The following SIAH3 variants were observed in gnomAD, a reference collection of about 807,000 sequenced individuals.
SIAH3 encodes seven in absentia homolog 3.
SIAH3 carries 9 observed loss-of-function variants against 12.6 expected under a neutral mutation model. That is an observed-to-expected ratio of 0.72 (90% CI 0.43 to 1.25). SIAH3 has a LOEUF of 1.25. Among genes scored for constraint, SIAH3 ranks in the 50% most tolerant of loss-of-function variants. The pLI is 0.00. For synonymous variants in SIAH3, 154 were observed against 151.1 expected (o/e 1.02, Z -0.14); for missense variants, 390 against 365.4 (o/e 1.07, Z -0.55).
chr13:45,790,922 C>A (rs1384339939), intron 1 of SIAH3, among the ~76,000 whole-genome samples: 2 of 152,224 alleles, frequency 1.3e-5, no homozygotes, highest in South Asian at 2.1e-4. Context: ...AGGCTCATGT[C>A]TGTACTCCTA....
At chr13:45,822,754 G>A (rs1950660778) in intron 1 of SIAH3, among the ~76,000 whole-genome samples, 1 of 151,762 alleles carries the variant, frequency 6.6e-6, no homozygotes, top group Non-Finnish European at 1.5e-5. Flanking sequence ...TTGGGAGCTG[G>A]GTGTGCCGCA....
chr13:45,826,828 G>T (rs149204773), intron 1 of SIAH3, among the ~76,000 whole-genome samples: 141 of 152,184 alleles, frequency 9.3e-4, no homozygotes, highest in African/African-American at 3.2e-3. Flanking sequence ...GGGTTGCAGA[G>T]GCTGGCACCC....
At chr13:45,826,195 T>C (rs1398719289) in intron 1 of SIAH3, among the ~76,000 whole-genome samples, 1 of 152,218 alleles carries the variant, frequency 6.6e-6, no homozygotes, top group Non-Finnish European at 1.5e-5. Context: ...TATTTACTTA[T>C]TATCATTTTC....
intron 1 of SIAH3, among the ~76,000 whole-genome samples, chr13:45,842,224 T>C (rs1950742509): frequency 6.6e-6 from 1 of 152,190 alleles, no homozygotes; most frequent in Non-Finnish European, 1.5e-5. Context: ...CAAAGGAACT[T>C]GGGTCACATT....
At chr13:45,831,954 C>T (rs1183903585) in intron 1 of SIAH3, among the ~76,000 whole-genome samples, 1 of 152,200 alleles carries the variant, frequency 6.6e-6, no homozygotes, top group Non-Finnish European at 1.5e-5. Flanking sequence ...CAGGGAATCC[C>T]ACCTTGGTTG....
chr13:45,826,380 A>ATGGTTGG (rs1566094824), intron 1 of SIAH3, among the ~76,000 whole-genome samples: 2 of 105,124 alleles, frequency 1.9e-5, no homozygotes, highest in African/African-American at 4.1e-5. Context: ...TGGATGAATG[A>ATGGTTGG]ATGGATGGAT....
intron 1 of SIAH3, among the ~76,000 whole-genome samples, chr13:45,819,418 A>C (rs1232466983): frequency 6.6e-6 from 1 of 152,184 alleles, no homozygotes; most frequent in African/African-American, 2.4e-5. Flanking sequence ...AGTGTTGGGC[A>C]TGGCTGGGTG....
At chr13:45,822,551 A>ATATATATATATATATATG in intron 1 of SIAH3, among the ~76,000 whole-genome samples, 1 of 141,410 alleles carries the variant, frequency 7.1e-6, no homozygotes. Flanking sequence ...ATATATATAT[A>ATATATATATATATATATG]TATATTAGAC....
chr13:45,827,317 C>T (rs910661426), intron 1 of SIAH3, among the ~76,000 whole-genome samples: 4 of 152,120 alleles, frequency 2.6e-5, no homozygotes, highest in Non-Finnish European at 5.9e-5. Flanking sequence ...GCAGCAAATG[C>T]AAAGGAAAGG....
At position 45,825,496 on chromosome 13, in the gene SIAH3, T is replaced by C. The variant is rs537596801; in HGVS notation, c.135+25999A>G. On this transcript the variant is annotated intron_variant, in intron 1 of 1. Coordinates refer to ENST00000400405, the MANE Select transcript of SIAH3 (RefSeq NM_198849.3). The stretch of plus-strand genomic sequence containing the variant: ...GCGCAGCCCCCAGCCCTGCCTGGGG[T>C]GTGTGCTTAGTGTCACCTTGGAGGG... 5.9e-5 allele frequency among the ~76,000 whole-genome samples: 9 copies of C among 152,104 alleles called. No individual in the cohort carries two copies. In the East Asian group the frequency reaches 1.2e-3, roughly 20 times the overall value.
intron 1 of SIAH3, among the ~76,000 whole-genome samples, chr13:45,827,364 G>A (rs1358502175): frequency 6.6e-6 from 1 of 152,216 alleles, no homozygotes; most frequent in African/African-American, 2.4e-5. Context: ...CTGACATTCT[G>A]AGCACCTGAA....
intron 1 of SIAH3, among the ~76,000 whole-genome samples, chr13:45,824,337 A>G (rs1257173557): frequency 6.6e-6 from 1 of 152,202 alleles, no homozygotes; most frequent in African/African-American, 2.4e-5. Context: ...AGTTAGATTG[A>G]ATGTAGTCAG....
intron 1 of SIAH3, among the ~76,000 whole-genome samples, chr13:45,797,941 C>G (rs1950568799): frequency 6.6e-6 from 1 of 152,178 alleles, no homozygotes; most frequent in African/African-American, 2.4e-5. Flanking sequence ...ATAGGGCTGC[C>G]CTATTCCAGG....
intron 1 of SIAH3, among the ~76,000 whole-genome samples, chr13:45,787,305 A>G (rs1230050055): frequency 4.6e-5 from 7 of 152,120 alleles, no homozygotes; most frequent in Non-Finnish European, 1.0e-4. Context: ...GGAGAGAGAA[A>G]GATGCCCGTA....
intron 1 of SIAH3, among the ~76,000 whole-genome samples, chr13:45,848,103 G>T (rs1403892713): frequency 6.6e-6 from 1 of 152,154 alleles, no homozygotes; most frequent in Non-Finnish European, 1.5e-5. Flanking sequence ...GCTGAATCAG[G>T]ACCAGGAGCA....
At chr13:45,821,642 A>C (rs1950656163) in intron 1 of SIAH3, among the ~76,000 whole-genome samples, 1 of 151,824 alleles carries the variant, frequency 6.6e-6, no homozygotes, top group Non-Finnish European at 1.5e-5. Flanking sequence ...CTAATTAACT[A>C]TAGCAAAGAT....
intron 1 of SIAH3, among the ~76,000 whole-genome samples, chr13:45,833,714 G>A (rs528630697): frequency 6.6e-6 from 1 of 152,242 alleles, no homozygotes; most frequent in East Asian, 1.9e-4. Context: ...TTGCAACAGG[G>A]GGACAGACTC....
intron 1 of SIAH3, among the ~76,000 whole-genome samples, chr13:45,789,973 T>C (rs1268844428): frequency 6.6e-6 from 1 of 152,102 alleles, no homozygotes; most frequent in Non-Finnish European, 1.5e-5. Flanking sequence ...AAATGAGTGG[T>C]TTTCGAGCTG....
In SIAH3 at chr13:45,778,484, C is replaced by G. The variant is rs1291821964; in HGVS notation, c.*4899G>C. On this transcript the variant is annotated 3_prime_UTR_variant, in exon 2 of 2. Transcript: ENST00000400405. ...AGGGTGCTCTGTGGCAGAAAATGCT[C>G]TTGAAGCTGCTTAAGCCTCAGAGTC... 6.6e-6 allele frequency: 1 copy of G among 152,240 alleles called. No homozygotes were observed. The highest frequency in any genetic ancestry group is 1.5e-5 in the Non-Finnish European group (1 of 68,046). The allele number at this position is 152,240 out of a possible 1,614,324, so 9.4% of individuals were successfully genotyped here. A position where few individuals can be genotyped will look rare whatever the true frequency, so the allele number is the denominator to read the frequency against.
Sources: allele counts gnomAD v4.1 joint callset (sites outside exome capture counted in the v4.1 genomes callset), GRCh38; gene constraint gnomAD v4.1.1; transcripts MANE v1.5; gene names NCBI Gene and HGNC (gene_info 2026-07-23, HGNC 2026-07-21).